The following DYNC1I1 variants were observed in gnomAD, a reference collection of about 807,000 sequenced individuals.
DYNC1I1 encodes dynein cytoplasmic 1 intermediate chain 1.
Under a neutral mutation model 86.6 loss-of-function variants are expected in DYNC1I1, and 43 were observed. That is an observed-to-expected ratio of 0.50 (90% CI 0.39 to 0.64). The LOEUF (loss-of-function observed/expected upper bound fraction) is 0.64. DYNC1I1 is among the 30% of genes least tolerant of loss of function. The pLI, the probability that DYNC1I1 is intolerant of heterozygous loss-of-function variation, is 0.00. For missense variants in DYNC1I1, 604 were observed against 788.8 expected (o/e 0.77, Z 2.81); for synonymous variants, 262 against 283.7 (o/e 0.92, Z 0.77).
chr7:96,046,425 A>C (rs1441360664), intron 14 of DYNC1I1, among the ~76,000 whole-genome samples: 2 of 152,218 alleles, frequency 1.3e-5, no homozygotes, highest in Non-Finnish European at 2.9e-5. Context: ...TTTGAAATAC[A>C]TTAGTTCATT....
intron 10 of DYNC1I1, among the ~76,000 whole-genome samples, chr7:96,013,520 A>G (rs1794328671): frequency 2.6e-5 from 4 of 152,164 alleles, no homozygotes; most frequent in Admixed American, 2.6e-4. Context: ...GTGCAGTGGC[A>G]TGATCTCAGC....
At chr7:95,961,916 G>A (rs957559253) in intron 6 of DYNC1I1, among the ~76,000 whole-genome samples, 1 of 152,030 alleles carries the variant, frequency 6.6e-6, no homozygotes, top group Non-Finnish European at 1.5e-5. Context: ...CTCTCCACAT[G>A]GTTTGTCTTC....
intron 10 of DYNC1I1, among the ~76,000 whole-genome samples, chr7:96,019,704 TAAAATA>T: frequency 6.6e-6 from 1 of 152,104 alleles, no homozygotes; most frequent in East Asian, 1.9e-4. Context: ...AATAAGGACT[TAAAATA>T]GTTAAACCAC....
rs565417352 is a variant in DYNC1I1 at position 95,810,425 on chromosome 7, G to A, written c.142G>A (p.Asp48Asn). 1 of 1,612,926 alleles carries A rather than the reference G, an allele frequency of 6.2e-7. No individual in the cohort carries two copies. Among genetic ancestry groups the A allele is most frequent in the Admixed American group, 1.7e-5 (1 of 59,856 alleles). ...DMQQKKEPVQ[D>N]DSDLDRKRRE... ...GCAGCAGAAGAAAGAACCCGTTCAG[G>A]ACGACTCTGATCTGGATCGCAAACG... The change falls in exon 3 of 17, where the codon GAC becomes AAC. Residue 48 changes from aspartate to asparagine, a missense_variant. Coordinates refer to ENST00000447467, the MANE Select transcript of DYNC1I1 (RefSeq NM_001135556.2).
At chr7:95,945,062 A>G (rs1336787140) in intron 6 of DYNC1I1, among the ~76,000 whole-genome samples, 2 of 151,768 alleles carry the variant, frequency 1.3e-5, no homozygotes, top group Non-Finnish European at 2.9e-5. Context: ...AAAATAAAAA[A>G]ATAATAAAAA....
chr7:95,955,597 A>G (rs1178798546), intron 6 of DYNC1I1, among the ~76,000 whole-genome samples: 2 of 152,124 alleles, frequency 1.3e-5, no homozygotes, highest in Non-Finnish European at 2.9e-5. Flanking sequence ...AGTGGTGGCA[A>G]TTTAAAACAA....
At chr7:95,783,932 A>G (rs879342631) in intron 1 of DYNC1I1, among the ~76,000 whole-genome samples, 3 of 152,230 alleles carry the variant, frequency 2.0e-5, no homozygotes, top group Admixed American at 6.5e-5. Context: ...GTTTGAAAGA[A>G]TAAATCCCAC....
At chr7:96,055,709 G>C (rs760954418) in intron 14 of DYNC1I1, 2 of 152,018 alleles carry the variant, frequency 1.3e-5, no homozygotes, top group Non-Finnish European at 2.9e-5. Flanking sequence ...GAAATACATA[G>C]ATGTTGTAAA....
chr7:95,919,853 A>G (rs879751476), intron 6 of DYNC1I1, among the ~76,000 whole-genome samples: 6 of 152,238 alleles, frequency 3.9e-5, no homozygotes, highest in Admixed American at 2.0e-4. Flanking sequence ...CAATGAAATG[A>G]ATAGCGTATT....
chr7:95,953,564 C>T (rs1016470906), intron 6 of DYNC1I1, among the ~76,000 whole-genome samples: 3 of 152,136 alleles, frequency 2.0e-5, no homozygotes, highest in South Asian at 2.1e-4. Flanking sequence ...TATCATACTG[C>T]GCTTGTAGTA....
chr7:95,829,137 ATTATTCATTT>A (rs1263004874), intron 5 of DYNC1I1, among the ~76,000 whole-genome samples: 1 of 152,138 alleles, frequency 6.6e-6, no homozygotes, highest in African/African-American at 2.4e-5. Context: ...TTATTTACTT[ATTATTCATTT>A]TGAATTCCTG....
At chr7:95,773,545 C>G (rs1458726124) in intron 1 of DYNC1I1, among the ~76,000 whole-genome samples, 1 of 152,028 alleles carries the variant, frequency 6.6e-6, no homozygotes, top group Non-Finnish European at 1.5e-5. Context: ...AACAGAAGCC[C>G]AGGATCAGGA....
chr7:95,900,128 G>A (rs1790999047), intron 6 of DYNC1I1, among the ~76,000 whole-genome samples: 1 of 152,128 alleles, frequency 6.6e-6, no homozygotes. Context: ...GGGCGTCCGA[G>A]GCTCCATGGA....
At chr7:95,822,758 A>T (rs1050562394) in intron 4 of DYNC1I1, among the ~76,000 whole-genome samples, 4 of 152,262 alleles carry the variant, frequency 2.6e-5, no homozygotes, top group African/African-American at 9.6e-5. Context: ...AATGCAACTC[A>T]TAAAAATAAG....
intron 6 of DYNC1I1, among the ~76,000 whole-genome samples, chr7:95,957,626 A>G (rs17637915): frequency 0.042 from 6,422 of 152,240 alleles, 196 homozygotes; most frequent in Middle Eastern, 0.1. Context: ...GCAGCCCATG[A>G]TCTTGCATGA....
intron 13 of DYNC1I1, among the ~76,000 whole-genome samples, chr7:96,036,243 C>A (rs115447699): frequency 5.9e-5 from 9 of 152,168 alleles, no homozygotes; most frequent in African/African-American, 2.4e-5. Flanking sequence ...CCACTCCCAC[C>A]TTTAAGTCCC....
chr7:95,793,355 G>A (rs1794357454), intron 1 of DYNC1I1, among the ~76,000 whole-genome samples: 1 of 152,098 alleles, frequency 6.6e-6, no homozygotes, highest in South Asian at 2.1e-4. Context: ...AGCTTTATTG[G>A]GTGGTACTTG....
chr7:95,994,500 C>A (rs10480622), intron 9 of DYNC1I1, among the ~76,000 whole-genome samples: 4,791 of 152,070 alleles, frequency 0.032, 249 homozygotes, highest in African/African-American at 0.11. Context: ...TAAACAACAC[C>A]AAAGGGTCAT....
At chr7:96,103,005 C>T (rs959429974), downstream of DYNC1I1, among the ~76,000 whole-genome samples, 2 of 152,108 alleles carry the variant, frequency 1.3e-5, no homozygotes, top group African/African-American at 4.8e-5. Context: ...AGAAACTGTG[C>T]ATTGGGATGT....
Sources: gnomAD v4.1 joint callset for allele counts (sites outside exome capture counted in the v4.1 genomes callset) on GRCh38, gnomAD v4.1.1 for gene constraint, MANE v1.5 for transcripts, NCBI Gene and HGNC (gene_info 2026-07-23, HGNC 2026-07-21) for gene names.